The following EIF2B3 variants were observed in gnomAD, a reference collection of about 807,000 sequenced individuals.
The protein encoded by EIF2B3 is eukaryotic translation initiation factor 2B subunit gamma.
EIF2B3 carries 20 observed loss-of-function variants against 54.1 expected under a neutral mutation model. That is an observed-to-expected ratio of 0.37 (90% confidence interval 0.26 to 0.54). The LOEUF (loss-of-function observed/expected upper bound fraction) is 0.54. EIF2B3 is among the 20% of genes least tolerant of loss of function. EIF2B3 has a pLI of 0.86. For synonymous variants in EIF2B3, 153 were observed against 188.1 expected (o/e 0.81, Z 1.52); for missense variants, 448 against 547.8 (o/e 0.82, Z 1.82).
At chr1:44,852,702 C>T (rs753081189) in intron 11 of EIF2B3, among the ~76,000 whole-genome samples, 7 of 151,446 alleles carry the variant, frequency 4.6e-5, no homozygotes, top group South Asian at 2.1e-4. Flanking sequence ...TTGCTTGAAC[C>T]CAAGAGGTGG....
At position 44,935,333 on chromosome 1, in the gene EIF2B3, T is replaced by C. The variant is rs541345034; in HGVS notation, c.454+6173A>G. ...TAAATATATTATCTTCTCACTGAAA[T>C]TGAGAAAAGGAAAGTTTCTAACAAG... On this transcript the variant is annotated intron_variant, in intron 4 of 11. Coordinates refer to ENST00000360403, the MANE Select transcript of EIF2B3 (RefSeq NM_020365.5). 1.8e-3 allele frequency among the ~76,000 whole-genome samples: 280 copies of C among 152,302 alleles called. 1 individual carries two copies. The highest frequency in any genetic ancestry group is 6.4e-3 in the African/African-American group (265 of 41,568).
At position 44,916,701 on chromosome 1, in the gene EIF2B3, T is replaced by C. The variant is rs139046170; in HGVS notation, c.566+9927A>G. On this transcript the variant is annotated intron_variant, in intron 5 of 11. Transcript: ENST00000360403. The stretch of plus-strand genomic sequence containing the variant: ...AGCCAAATGTGGTGGTGCACACCCA[T>C]AGTGGTAGCTACTCAGGAGGCTGAG... Among the ~76,000 whole-genome samples the C allele has an allele frequency of 4.9e-3, 731 of 150,504 alleles. 3 individuals are homozygous for C. The highest frequency in any genetic ancestry group is 0.017 in the African/African-American group (706 of 41,098).
chr1:44,958,777 CT>C (rs2148952839), intron 3 of EIF2B3: 1 of 1,469,552 alleles, frequency 6.8e-7, no homozygotes, highest in East Asian at 2.3e-5. Flanking sequence ...AAATATAAAG[CT>C]ATGGTATTGG....
rs140105157 is a variant in EIF2B3, at chr1:44,852,734, G to A, written c.1307-1731C>T. Among the ~76,000 whole-genome samples, 705 of 149,014 alleles carry A rather than the reference G, an allele frequency of 4.7e-3. 2 individuals carry two copies. Among genetic ancestry groups the A allele is most frequent in the Non-Finnish European group, 7.1e-3 (480 of 67,682 alleles). ...GTGGAGGTTGCAGTGAGCCGAGATCGCAGCATTACACTCCAGCCTGGGCAA... is the reference window on the plus strand; with the variant it reads ...GTGGAGGTTGCAGTGAGCCGAGATCACAGCATTACACTCCAGCCTGGGCAA... On this transcript the variant is annotated intron_variant, in intron 11 of 11. Transcript: ENST00000360403.
At chr1:44,972,746 C>T (rs957990131) in intron 3 of EIF2B3, among the ~76,000 whole-genome samples, 1 of 152,064 alleles carries the variant, frequency 6.6e-6, no homozygotes, top group Non-Finnish European at 1.5e-5. Context: ...CAGCTCACTG[C>T]AACCTTCACC....
chr1:44,954,052 C>T (rs552982529), intron 3 of EIF2B3, among the ~76,000 whole-genome samples: 47 of 152,150 alleles, frequency 3.1e-4, no homozygotes, highest in African/African-American at 1.1e-3. Flanking sequence ...AGTAGAATTA[C>T]GCCAAAATCA....
chr1:44,955,325 A>G (rs1182145580), intron 3 of EIF2B3, among the ~76,000 whole-genome samples: 3 of 152,222 alleles, frequency 2.0e-5, no homozygotes, highest in Non-Finnish European at 1.5e-5. Flanking sequence ...TAGAAAGCTG[A>G]AACTGGACCC....
intron 11 of EIF2B3, among the ~76,000 whole-genome samples, chr1:44,856,867 C>A (rs755060728): frequency 6.6e-6 from 1 of 152,140 alleles, no homozygotes; most frequent in African/African-American, 2.4e-5. Flanking sequence ...TGCAGTGGTG[C>A]GATCTCAGCT....
At chr1:44,924,704 T>A (rs1006640079) in intron 5 of EIF2B3, among the ~76,000 whole-genome samples, 2 of 152,032 alleles carry the variant, frequency 1.3e-5, no homozygotes, top group African/African-American at 4.8e-5. Flanking sequence ...TTTTTTTGGT[T>A]CTATAATATC....
intron 2 of EIF2B3, among the ~76,000 whole-genome samples, chr1:44,980,432 G>A (rs898244221): frequency 1.3e-5 from 2 of 151,546 alleles, no homozygotes; most frequent in Non-Finnish European, 2.9e-5. Context: ...AGCCAAGATC[G>A]TGCCACTGCA....
chr1:44,874,037 G>T (rs1400754593), intron 10 of EIF2B3, among the ~76,000 whole-genome samples: 2 of 150,108 alleles, frequency 1.3e-5, no homozygotes, highest in East Asian at 3.9e-4. Context: ...CCAAAAATCT[G>T]AACTCTCAAA....
At chr1:44,956,578 T>G (rs891445705) in intron 3 of EIF2B3, among the ~76,000 whole-genome samples, 1 of 151,938 alleles carries the variant, frequency 6.6e-6, no homozygotes, top group Non-Finnish European at 1.5e-5. Context: ...AAAATAAAAA[T>G]GGATATAGAA....
At chr1:44,917,839 T>A (rs892947889) in intron 5 of EIF2B3, among the ~76,000 whole-genome samples, 1 of 134,990 alleles carries the variant, frequency 7.4e-6, no homozygotes, top group Non-Finnish European at 1.6e-5. Context: ...AGTGGTGCGA[T>A]CTCGGCTCAC....
At chr1:44,923,940 CT>C (rs570038780) in intron 5 of EIF2B3, among the ~76,000 whole-genome samples, 1,411 of 131,688 alleles carry the variant, frequency 0.011, 14 homozygotes, top group East Asian at 0.04. Flanking sequence ...AATTTCTTTC[CT>C]TTTTTTTTTT....
intron 3 of EIF2B3, among the ~76,000 whole-genome samples, chr1:44,964,900 T>C (rs1311475676): frequency 1.3e-5 from 2 of 152,208 alleles, no homozygotes; most frequent in African/African-American, 4.8e-5. Context: ...CTCTAAAATA[T>C]ACCTCACTAA....
chr1:44,926,740 C>T lies in EIF2B3; in HGVS notation c.455-1G>A. 6.2e-7 allele frequency: 1 copy of T among 1,612,382 alleles called. No individual in the cohort carries two copies. The highest frequency in any genetic ancestry group is 8.5e-7 in the Non-Finnish European group (1 of 1,179,242). On this transcript the variant is annotated splice_acceptor_variant, in intron 4 of 11. Transcript: ENST00000360403. LOFTEE classifies it high-confidence loss of function. ...ACTCCAATGAAGTCACGCTGCTCCACTGAATCATACAAAAGAAAAAAAAAA... is the reference window on the plus strand; with the variant it reads ...ACTCCAATGAAGTCACGCTGCTCCATTGAATCATACAAAAGAAAAAAAAAA...
At chr1:44,858,666 T>C (rs1573679673) in intron 10 of EIF2B3, among the ~76,000 whole-genome samples, 1 of 152,182 alleles carries the variant, frequency 6.6e-6, no homozygotes, top group African/African-American at 2.4e-5. Context: ...GGTTTCACCA[T>C]GTTGGCCAGG....
intron 3 of EIF2B3, among the ~76,000 whole-genome samples, chr1:44,946,924 T>C (rs1644108963): frequency 6.6e-6 from 1 of 152,238 alleles, no homozygotes; most frequent in Admixed American, 6.5e-5. Flanking sequence ...TTTGATCATG[T>C]GTGACCACAA....
chr1:44,862,563 G>A (rs1456238705), intron 10 of EIF2B3, among the ~76,000 whole-genome samples: 2 of 152,086 alleles, frequency 1.3e-5, no homozygotes, highest in Non-Finnish European at 2.9e-5. Flanking sequence ...GGGAGGAAAG[G>A]GAACTCACAT....
Sources: allele counts gnomAD v4.1 joint callset (sites outside exome capture counted in the v4.1 genomes callset), GRCh38; gene constraint gnomAD v4.1.1; transcripts MANE v1.5; gene names NCBI Gene and HGNC (gene_info 2026-07-23, HGNC 2026-07-21).